The following NFKBIB variants were observed in gnomAD, a reference collection of about 807,000 sequenced individuals.
The protein encoded by NFKBIB is NF-kappa-B inhibitor beta.
In NFKBIB, 16 loss-of-function variants were observed where a neutral mutation model predicts 32.1. The observed-to-expected ratio is 0.50, with a 90% CI of 0.34 to 0.76. The LOEUF is 0.76. NFKBIB is among the 30% of genes least tolerant of loss of function. The probability of loss-of-function intolerance (pLI) is 0.01; values close to 1 mark genes in which losing one functional copy is unlikely to be tolerated. For missense variants in NFKBIB, 437 were observed against 514.9 expected (o/e 0.85, Z 1.46); for synonymous variants, 222 against 219.5 (o/e 1.01, Z -0.10).
chr19:38,906,793 C>T (rs1220395938), intron 3 of NFKBIB, among the ~76,000 whole-genome samples: 6 of 151,942 alleles, frequency 3.9e-5, no homozygotes, highest in Admixed American at 6.6e-5. Flanking sequence ...TTAGTAGAGA[C>T]GTCTTGCCAT....
At chr19:38,907,996 G>A (rs774923075) in intron 5 of NFKBIB, 5 of 1,162,000 alleles carry the variant, frequency 4.3e-6, no homozygotes, top group Non-Finnish European at 4.3e-6. Context: ...CTCACACTGC[G>A]AAAAGAAAAC....
chr19:38,904,975 G>A, intron 1 of NFKBIB, 40 bp from the exon 2 acceptor site: 1 of 1,586,132 alleles, frequency 6.3e-7, no homozygotes, highest in Non-Finnish European at 8.7e-7. Flanking sequence ...AATGCAAGAG[G>A]ACTTGAACTT....
intron 3 of NFKBIB, 71 bp from the exon 4 acceptor site, chr19:38,907,150 C>T: frequency 1.4e-6 from 2 of 1,421,022 alleles, no homozygotes; most frequent in Non-Finnish European, 1.9e-6. Context: ...TGACCCTCCC[C>T]CAGGATCAAA....
rs1974073625 is a variant in NFKBIB, at chr19:38,905,111, C to A, written c.276C>A (p.Asp92Glu). Residue 92 changes from aspartate (D) to glutamate (E), a missense_variant, in exon 2 of 6, where the codon GAC becomes GAA. By Grantham distance (45) the Asp-to-Glu change is conservative. Coordinates refer to ENST00000313582, the MANE Select transcript of NFKBIB (RefSeq NM_002503.5). This position sits in a 1 kb window ranked among gnomAD's most constrained non-coding sequence, Gnocchi z 5.5. ...AGTEYMDLQN[D>E]LGQTALHLAA... Reference sequence around the variant, plus strand: ...CTGAGTACATGGACCTGCAGAATGACCTAGGCCAGGTGAGCCACGAGGGAT... The same window carrying A: ...CTGAGTACATGGACCTGCAGAATGAACTAGGCCAGGTGAGCCACGAGGGAT... 6.2e-7 allele frequency: 1 copy of A among 1,614,058 alleles called. No homozygotes were observed. Among genetic ancestry groups the A allele is most frequent in the Non-Finnish European group, 8.5e-7 (1 of 1,180,026 alleles).
At chr19:38,907,173 G>T (rs181514665) in intron 3 of NFKBIB, 48 bp from the exon 4 acceptor site, 159 of 1,485,528 alleles carry the variant, frequency 1.1e-4, no homozygotes, top group East Asian at 1.6e-4. Flanking sequence ...ACGGTGGGGT[G>T]GGGGGGGCCC....
rs1299843277 is a variant in NFKBIB at position 38,907,328 on chromosome 19, G to A, written c.708+19G>A. 3 of 1,608,838 alleles carry A rather than the reference G, an allele frequency of 1.9e-6. No homozygotes were observed. The highest frequency in any genetic ancestry group is 2.6e-6 in the Non-Finnish European group (3 of 1,175,984). ...CAAACCGGTGAGCCCCAACCTCGGG[G>A]AAGATGCCGTCGGCGGGAGGGGGCT... On this transcript the variant is annotated intron_variant, in intron 4 of 5. Coordinates refer to ENST00000313582, the MANE Select transcript of NFKBIB (RefSeq NM_002503.5).
chr19:38,900,363 TAAC>T (rs1397832126), intron 1 of NFKBIB, 152 bp downstream of exon 1: 2 of 785,378 alleles, frequency 2.5e-6, no homozygotes, highest in African/African-American at 3.7e-5. Flanking sequence ...TCCTAACTTT[TAAC>T]AAAACCAATC....
intron 1 of NFKBIB, among the ~76,000 whole-genome samples, chr19:38,901,965 T>C (rs928446832): frequency 6.6e-6 from 1 of 152,120 alleles, no homozygotes; most frequent in Non-Finnish European, 1.5e-5. Flanking sequence ...ATGTCTATTA[T>C]ATATATTCTA....
chr19:38,908,538 T>TAAAAA (rs56371900), intron 5 of NFKBIB, 193 bp from the exon 6 acceptor site: 112 of 1,081,452 alleles, frequency 1.0e-4, no homozygotes, highest in South Asian at 1.2e-4. Flanking sequence ...GACTCCATCT[T>TAAAAA]AAAAAAAAAA....
rs1479801238 is a variant in NFKBIB at position 38,905,442 on chromosome 19, CCT to C, written c.527_528del (p.Pro176ArgfsTer17). On this transcript the variant is annotated frameshift_variant, in exon 3 of 6. Transcript: ENST00000313582. LOFTEE classifies it high-confidence loss of function. The surrounding 1 kb of genome is among the most constrained non-coding windows in gnomAD (Gnocchi z 5.5). ...PDRTPDTNHT[P>X]VALYPDSDLE... ...CCGTACTCCCGACACCAACCATACC[CCT>C]GTCGCCTTGTACCCCGATTCCGACT... is the stretch of plus-strand genomic sequence containing the variant. 9 of 1,614,068 alleles carry C rather than the reference CCT, an allele frequency of 5.6e-6. No homozygotes were observed. Among genetic ancestry groups the C allele is most frequent in the Non-Finnish European group, 5.9e-6 (7 of 1,179,998 alleles).
Position 38,907,478 on chromosome 19 carries a change from C to T in NFKBIB, c.788C>T (p.Ala263Val), listed in dbSNP as rs778568843. Residue 263 changes from alanine to valine, a missense_variant, in exon 5 of 6, where the codon GCA (alanine) becomes GTA (valine). Transcript: ENST00000313582. ...GATGTGCTGGAGCTTCTCCTGAGGG[C>T]AGGCGCGAACCCTGCTGCCCGCATG... ...AADVLELLLR[A>V]GANPAARMYG... 2 of 1,611,708 alleles carry T rather than the reference C, an allele frequency of 1.2e-6. No homozygotes were observed. Among genetic ancestry groups the T allele is most frequent in the Non-Finnish European group, 1.7e-6 (2 of 1,179,194 alleles).
At chr19:38,904,712 C>G (rs559922172) in intron 1 of NFKBIB, among the ~76,000 whole-genome samples, 1 of 151,974 alleles carries the variant, frequency 6.6e-6, no homozygotes, top group East Asian at 1.9e-4. Context: ...CCAGTGTCTT[C>G]AACACTGTTG....
In NFKBIB at chr19:38,908,830, T is replaced by G; in HGVS notation, c.1069T>G (p.Ter357GlyextTer7). Residue 357 changes from the stop codon to glycine (G), a stop_lost, in exon 6 of 6, where the codon TGA becomes GGA. Transcript: ENST00000313582. ...KPLPDDPRPV[*>G] ...TCTTCCTGACGACCCCCGCCCCGTG[T>G]GATTTGTTTCATTGTTAATATAATT... 1 of 1,610,360 alleles carries G rather than the reference T, an allele frequency of 6.2e-7. No individual in the cohort carries two copies. Among genetic ancestry groups the G allele is most frequent in the Non-Finnish European group, 8.5e-7 (1 of 1,179,112 alleles).
intron 1 of NFKBIB, among the ~76,000 whole-genome samples, chr19:38,901,182 G>A (rs1568412142): frequency 6.6e-6 from 1 of 152,204 alleles, no homozygotes; most frequent in East Asian, 1.9e-4. Flanking sequence ...CCTGATCCAG[G>A]AGGCACTGAA....
At chr19:38,908,269 G>T in intron 5 of NFKBIB, 1 of 992,010 alleles carries the variant, frequency 1.0e-6, no homozygotes, top group Non-Finnish European at 1.2e-6. Context: ...GGCCAGGTGC[G>T]GTGGCTCACG....
At chr19:38,906,246 T>C (rs1974114052) in intron 3 of NFKBIB, among the ~76,000 whole-genome samples, 1 of 150,334 alleles carries the variant, frequency 6.7e-6, no homozygotes, top group African/African-American at 2.4e-5. Context: ...GTGATTCTCC[T>C]GCCTCAGCCT....
chr19:38,900,251 C>T lies in NFKBIB; in HGVS notation c.179+40C>T, dbSNP rs765073855. The T allele has an allele frequency of 5.2e-6, 8 of 1,537,156 alleles. No homozygotes were observed. In the African/African-American group the frequency reaches 9.7e-5, roughly 19 times the overall value. On this transcript the variant is annotated intron_variant, in intron 1 of 5. Transcript: ENST00000313582. The stretch of plus-strand genomic sequence containing the variant: ...GGCTGCCAAACGGAGCCCTAGGACC[C>T]GGCGTCACATTCCTCATTAATCTCT...
intron 5 of NFKBIB, chr19:38,908,521 A>G: frequency 7.8e-7 from 1 of 1,278,724 alleles, no homozygotes; most frequent in Non-Finnish European, 9.9e-7. Context: ...CCTGGGCAAC[A>G]GAGCGAGACT....
intron 1 of NFKBIB, among the ~76,000 whole-genome samples, chr19:38,900,956 CAGAA>C (rs757038864): frequency 6.6e-6 from 1 of 151,876 alleles, no homozygotes; most frequent in African/African-American, 2.4e-5. Context: ...GAAAGACACG[CAGAA>C]AGAAAGAAAC....
Sources: allele counts gnomAD v4.1 joint callset (sites outside exome capture counted in the v4.1 genomes callset), GRCh38; gene constraint gnomAD v4.1.1; non-coding constraint Gnocchi (gnomAD v3.1); transcripts MANE v1.5; gene names NCBI Gene and HGNC (gene_info 2026-07-23, HGNC 2026-07-21).